PLEKHG1: variants seen among roughly 807,000 people sequenced by gnomAD.
PLEKHG1 encodes pleckstrin homology and RhoGEF domain containing G1, also known as pleckstrin homology domain-containing family G member 1.
In PLEKHG1, 44 loss-of-function variants were observed where a neutral mutation model predicts 100.8. The observed-to-expected ratio is 0.44, with a 90% CI of 0.34 to 0.56. PLEKHG1 has a LOEUF of 0.56. Ranked by LOEUF, PLEKHG1 falls within the 20% of genes least tolerant of loss-of-function variation. The pLI, the probability that PLEKHG1 is intolerant of heterozygous loss-of-function variation, is 0.01. For missense variants in PLEKHG1, 1,545 were observed against 1,720.9 expected (o/e 0.90, Z 1.81); for synonymous variants, 640 against 662.5 (o/e 0.97, Z 0.52).
intron 5 of PLEKHG1, among the ~76,000 whole-genome samples, chr6:150,798,317 G>T (rs1038255939): frequency 1.3e-5 from 2 of 152,150 alleles, no homozygotes; most frequent in Non-Finnish European, 2.9e-5. Flanking sequence ...AATGATACAG[G>T]AGCTTGTTTG....
At chr6:150,641,953 CT>C (rs147935250) in intron 2 of PLEKHG1, among the ~76,000 whole-genome samples, 209 of 139,244 alleles carry the variant, frequency 1.5e-3, no homozygotes, top group South Asian at 8.9e-3. Flanking sequence ...GTAAGTAACC[CT>C]TTTTTTTTTC....
intron 7 of PLEKHG1, among the ~76,000 whole-genome samples, chr6:150,805,362 T>G (rs538925401): frequency 6.6e-6 from 1 of 152,286 alleles, no homozygotes; most frequent in Non-Finnish European, 1.5e-5. Flanking sequence ...TTCCCTAAAC[T>G]ATGTAAAGAC....
chr6:150,809,365 GCT>G lies in PLEKHG1; in HGVS notation c.1096-9_1096-8del. The G allele has an allele frequency of 1.2e-6, 2 of 1,612,320 alleles. No homozygotes were observed. Among genetic ancestry groups the G allele is most frequent in the Non-Finnish European group, 1.7e-6 (2 of 1,178,934 alleles). On this transcript the variant is annotated splice_polypyrimidine_tract_variant and intron_variant, in intron 8 of 15. Coordinates refer to ENST00000358517, the Ensembl canonical transcript of PLEKHG1. ...CTCCTGAGTGTGCCTCACCCTCTCT[GCT>G]CTCTCTGCTCTAGTGTGGCAACCTC... is the stretch of plus-strand genomic sequence containing the variant.
chr6:150,833,929 A>C (rs1355482444), intron 15 of PLEKHG1, among the ~76,000 whole-genome samples: 1 of 152,184 alleles, frequency 6.6e-6, no homozygotes, highest in African/African-American at 2.4e-5. Flanking sequence ...TGACATTGAC[A>C]TCCATGGAAA....
chr6:150,842,473 G>A (rs959075668), exon 16 of PLEKHG1: 5 of 152,074 alleles, frequency 3.3e-5, no homozygotes, highest in Non-Finnish European at 5.9e-5. Flanking sequence ...GAATATGAGC[G>A]TTTTTATCTT....
intron 3 of PLEKHG1, among the ~76,000 whole-genome samples, chr6:150,693,909 A>G (rs1410583979): frequency 1.3e-5 from 2 of 152,366 alleles, no homozygotes; most frequent in East Asian, 3.9e-4. Context: ...ACAGCGCTTC[A>G]AGAGAATGGA....
chr6:150,810,513 A>AG (rs1491284690), intron 10 of PLEKHG1, among the ~76,000 whole-genome samples: 30 of 72,226 alleles, frequency 4.2e-4, no homozygotes, highest in African/African-American at 1.3e-3. Flanking sequence ...AGAAAGAAAG[A>AG]AAAAGAAAGA....
intron 3 of PLEKHG1, among the ~76,000 whole-genome samples, chr6:150,657,527 G>A (rs1179243768): frequency 6.6e-6 from 1 of 152,156 alleles, no homozygotes; most frequent in Non-Finnish European, 1.5e-5. Context: ...GACTTGACCT[G>A]TCATTTTCTG....
intron 15 of PLEKHG1, among the ~76,000 whole-genome samples, chr6:150,835,550 G>T (rs1245177697): frequency 6.6e-6 from 1 of 152,074 alleles, no homozygotes; most frequent in East Asian, 1.9e-4. Flanking sequence ...ACATTCTTGC[G>T]ATTGTCATGT....
At chr6:150,686,287 A>G (rs542683788) in intron 3 of PLEKHG1, among the ~76,000 whole-genome samples, 1 of 152,372 alleles carries the variant, frequency 6.6e-6, no homozygotes, top group South Asian at 2.1e-4. Context: ...AACTTTCGTC[A>G]TTCTCAAATG....
intron 7 of PLEKHG1, among the ~76,000 whole-genome samples, chr6:150,805,549 C>T (rs543141987): frequency 1.4e-4 from 21 of 150,014 alleles, no homozygotes; most frequent in Admixed American, 5.3e-4. Context: ...TTTTTGGAGA[C>T]GAAGTTTCAC....
At chr6:150,779,538 G>T (rs1013302497) in intron 3 of PLEKHG1, among the ~76,000 whole-genome samples, 1 of 151,604 alleles carries the variant, frequency 6.6e-6, no homozygotes, top group African/African-American at 2.4e-5. Flanking sequence ...TGGAGACAGG[G>T]TTTCACCATG....
chr6:150,764,212 G>T (rs1286318717), intron 2 of PLEKHG1, among the ~76,000 whole-genome samples: 2 of 151,078 alleles, frequency 1.3e-5, no homozygotes, highest in Non-Finnish European at 2.9e-5. Flanking sequence ...TTGCCTCCCG[G>T]GTTCAAGCGA....
At chr6:150,655,781 A>G (rs879409771) in intron 3 of PLEKHG1, among the ~76,000 whole-genome samples, 41 of 151,634 alleles carry the variant, frequency 2.7e-4, no homozygotes, top group Non-Finnish European at 5.3e-4. Flanking sequence ...ATAAGAAAGG[A>G]TGAGTTCATG....
At chr6:150,824,172 A>G (rs1041721110) in intron 14 of PLEKHG1, among the ~76,000 whole-genome samples, 2 of 152,236 alleles carry the variant, frequency 1.3e-5, no homozygotes, top group Non-Finnish European at 2.9e-5. Flanking sequence ...TTGTCATATC[A>G]AGTTTTGATT....
chr6:150,724,490 A>G (rs1254830397), intron 1 of PLEKHG1, among the ~76,000 whole-genome samples: 1 of 152,188 alleles, frequency 6.6e-6, no homozygotes, highest in Non-Finnish European at 1.5e-5. Context: ...AGCATACAAC[A>G]AAAGTAAAAA....
intron 14 of PLEKHG1, among the ~76,000 whole-genome samples, chr6:150,826,324 G>A (rs75415089): frequency 2.0e-5 from 3 of 152,052 alleles, no homozygotes; most frequent in East Asian, 1.9e-4. Flanking sequence ...CGGGCATAGC[G>A]GCATGCACCT....
chr6:150,608,729 CTG>C (rs1035589217), intron 1 of PLEKHG1, among the ~76,000 whole-genome samples: 6 of 152,074 alleles, frequency 3.9e-5, no homozygotes, highest in African/African-American at 1.2e-4. Flanking sequence ...ATGAAAAAAA[CTG>C]TGTGCATGGA....
intron 1 of PLEKHG1, among the ~76,000 whole-genome samples, chr6:150,730,068 T>C: frequency 6.6e-6 from 1 of 152,174 alleles, no homozygotes; most frequent in East Asian, 1.9e-4. Flanking sequence ...AAGAAAATAA[T>C]GTGTCTCTCT....
Sources: gnomAD v4.1 joint callset for allele counts (sites outside exome capture counted in the v4.1 genomes callset) on GRCh38, gnomAD v4.1.1 for gene constraint, MANE v1.5 for transcripts, NCBI Gene and HGNC (gene_info 2026-07-23, HGNC 2026-07-21) for gene names.